The following CLASP2 variants were observed in gnomAD, a reference collection of about 807,000 sequenced individuals.
The protein encoded by CLASP2 is CLIP-associating protein 2.
In CLASP2, 47 loss-of-function variants were observed where a neutral mutation model predicts 194.4. That is an observed-to-expected ratio of 0.24 (90% CI 0.19 to 0.31). The LOEUF (loss-of-function observed/expected upper bound fraction) is 0.31. Among genes scored for constraint, CLASP2 ranks in the 10% least tolerant of loss-of-function variants. The pLI is 1.00. For missense variants in CLASP2, 1,445 were observed against 1,823.6 expected (o/e 0.79, Z 3.78); for synonymous variants, 619 against 633.5 (o/e 0.98, Z 0.34).
chr3:33,584,423 C>A (rs966086527), intron 22 of CLASP2, among the ~76,000 whole-genome samples: 3 of 151,294 alleles, frequency 2.0e-5, no homozygotes, highest in Non-Finnish European at 4.4e-5. Context: ...CAGGCATGCA[C>A]CACCATGCCT....
intron 8 of CLASP2, among the ~76,000 whole-genome samples, chr3:33,642,267 G>T (rs1015419055): frequency 4.0e-5 from 6 of 151,822 alleles, no homozygotes; most frequent in African/African-American, 1.2e-4. Context: ...TGCTGACACG[G>T]TTTATAGAAG....
intron 6 of CLASP2, among the ~76,000 whole-genome samples, chr3:33,668,363 C>T (rs181618107): frequency 2.6e-5 from 4 of 152,216 alleles, no homozygotes; most frequent in Non-Finnish European, 4.4e-5. Context: ...GGGCTATATC[C>T]AACAGAAAAT....
intron 27 of CLASP2, among the ~76,000 whole-genome samples, chr3:33,565,242 G>A (rs963745261): frequency 5.9e-5 from 9 of 152,146 alleles, no homozygotes; most frequent in South Asian, 2.1e-4. Flanking sequence ...GCACTGGTGC[G>A]ATCTCGGCTC....
Position 33,498,564 on chromosome 3 carries a change from T to C in CLASP2, c.*67A>G, listed in dbSNP as rs753024688. 46 of 1,000,642 alleles carry C rather than the reference T, an allele frequency of 4.6e-5. No individual in the cohort carries two copies. The highest frequency in any genetic ancestry group is 6.5e-5 in the Non-Finnish European group (42 of 648,304). 62.0% of individuals were successfully genotyped at this position (1,000,642 alleles called of 1,614,324 possible). On this transcript the variant is annotated 3_prime_UTR_variant, in exon 39 of 39. Coordinates refer to ENST00000682230, the MANE Select transcript of CLASP2 (RefSeq NM_001365631.1). Reference sequence around the variant, plus strand: ...CCAAAGGATGTGTTTGAGAACTTCCTTTCATTGATGAGGGTGGTCTATCTG... The same window carrying C: ...CCAAAGGATGTGTTTGAGAACTTCCCTTCATTGATGAGGGTGGTCTATCTG...
chr3:33,686,922 T>A (rs900316403), intron 5 of CLASP2, 138 bp downstream of exon 5: 7 of 559,336 alleles, frequency 1.3e-5, no homozygotes, highest in Admixed American at 1.1e-4. Context: ...TTTGATGGAT[T>A]TTTTTTAATG....
chr3:33,695,877 A>G (rs1304387134), intron 2 of CLASP2, among the ~76,000 whole-genome samples: 2 of 152,256 alleles, frequency 1.3e-5, no homozygotes, highest in Non-Finnish European at 2.9e-5. Context: ...AAATCCACTT[A>G]TAACATACTC....
chr3:33,643,950 A>G (rs1371379179), intron 8 of CLASP2, among the ~76,000 whole-genome samples: 1 of 152,102 alleles, frequency 6.6e-6, no homozygotes, highest in Non-Finnish European at 1.5e-5. Flanking sequence ...AAATATCACA[A>G]CTAAGACATA....
chr3:33,657,131 T>C (rs1310462565), intron 7 of CLASP2, among the ~76,000 whole-genome samples: 1 of 152,080 alleles, frequency 6.6e-6, no homozygotes, highest in Non-Finnish European at 1.5e-5. Flanking sequence ...AGTTCGTAAA[T>C]AAACAAAAAA....
intron 2 of CLASP2, among the ~76,000 whole-genome samples, chr3:33,693,836 A>G (rs2091601373): frequency 6.7e-6 from 1 of 149,458 alleles, no homozygotes; most frequent in South Asian, 2.1e-4. Context: ...GATAACAGAA[A>G]GAATAGGAGA....
intron 25 of CLASP2, 38 bp from the exon 26 acceptor site, chr3:33,570,828 G>C: frequency 7.0e-7 from 1 of 1,434,536 alleles, no homozygotes; most frequent in African/African-American, 1.4e-5. Flanking sequence ...ATATCTTGCT[G>C]TAGCAAGAAG....
rs559503549 is a variant in CLASP2 at position 33,600,628 on chromosome 3, A to G, written c.1924+2324T>C. ...CAACACACTGTTAACACCTTTGTAT[A>G]TATCACACCAGTCCTTCTTCTATGT... is the stretch of plus-strand genomic sequence containing the variant. On this transcript the variant is annotated intron_variant, in intron 18 of 38. Coordinates refer to ENST00000682230, the MANE Select transcript of CLASP2 (RefSeq NM_001365631.1). 2.0e-5 allele frequency among the ~76,000 whole-genome samples: 3 copies of G among 152,330 alleles called. 1 individual carries two copies. Among genetic ancestry groups the G allele is most frequent in the African/African-American group, 7.2e-5 (3 of 41,574 alleles).
intron 7 of CLASP2, among the ~76,000 whole-genome samples, chr3:33,648,937 C>T (rs1367620142): frequency 1.3e-5 from 2 of 152,184 alleles, no homozygotes; most frequent in Non-Finnish European, 2.9e-5. Flanking sequence ...ACATGGCATC[C>T]TGGGTTGAAC....
intron 31 of CLASP2, among the ~76,000 whole-genome samples, chr3:33,544,277 T>C (rs987099487): frequency 2.6e-5 from 4 of 152,238 alleles, no homozygotes; most frequent in African/African-American, 4.8e-5. Flanking sequence ...CCTGTGATCA[T>C]TTAATGTGAC....
intron 7 of CLASP2, among the ~76,000 whole-genome samples, chr3:33,657,452 G>A (rs2154328902): frequency 6.6e-6 from 1 of 151,940 alleles, no homozygotes; most frequent in Non-Finnish European, 1.5e-5. Flanking sequence ...CAAATGTTAT[G>A]TATTATTTGA....
intron 19 of CLASP2, among the ~76,000 whole-genome samples, 186 bp from the exon 20 acceptor site, chr3:33,595,154 A>G (rs932643084): frequency 1.3e-5 from 2 of 152,124 alleles, no homozygotes; most frequent in Non-Finnish European, 1.5e-5. Context: ...AGGTAATCCA[A>G]TGATTCACAG....
chr3:33,637,072 T>C (rs2080291429), intron 8 of CLASP2, among the ~76,000 whole-genome samples: 1 of 152,106 alleles, frequency 6.6e-6, no homozygotes, highest in East Asian at 1.9e-4. Flanking sequence ...AGTGAATATA[T>C]AGGTTAATAA....
Position 33,592,383 on chromosome 3 carries a change from A to C in CLASP2, c.2068+12T>G, listed in dbSNP as rs2068998649. The C allele has an allele frequency of 6.3e-7, 1 of 1,577,342 alleles. No homozygotes were observed. Among genetic ancestry groups the C allele is most frequent in the Middle Eastern group, 1.7e-4 (1 of 5,980 alleles). Reference sequence around the variant, plus strand: ...AGTGACAAATATAGGAGGGCTGATAAGCAATACATACGCTGTGATTGAGAC... The same window carrying C: ...AGTGACAAATATAGGAGGGCTGATACGCAATACATACGCTGTGATTGAGAC... On this transcript the variant is annotated intron_variant, in intron 21 of 38. Transcript: ENST00000682230.
At chr3:33,552,267 C>T (rs987538754) in intron 29 of CLASP2, among the ~76,000 whole-genome samples, 2 of 151,922 alleles carry the variant, frequency 1.3e-5, no homozygotes, top group South Asian at 2.1e-4. Context: ...TACAGGCGCC[C>T]GCCACTACAC....
chr3:33,536,920 C>A (rs528787936), intron 33 of CLASP2, among the ~76,000 whole-genome samples: 2 of 152,262 alleles, frequency 1.3e-5, no homozygotes, highest in East Asian at 1.9e-4. Flanking sequence ...TAGGAAAGAG[C>A]AGCTTTAGGG....
Sources: allele counts gnomAD v4.1 joint callset (sites outside exome capture counted in the v4.1 genomes callset), GRCh38; gene constraint gnomAD v4.1.1; transcripts MANE v1.5; gene names NCBI Gene and HGNC (gene_info 2026-07-23, HGNC 2026-07-21).